Variants in CACNA1E observed in about 807,000 individuals in gnomAD.
The protein encoded by CACNA1E is calcium voltage-gated channel subunit alpha1 E, also known as voltage-dependent R-type calcium channel subunit alpha-1E.
A neutral mutation model predicts 259.2 loss-of-function variants in CACNA1E; 40 were observed. That is an observed-to-expected ratio of 0.15 (90% CI 0.12 to 0.20). The LOEUF (loss-of-function observed/expected upper bound fraction) is 0.20, where lower values mean the gene tolerates loss of function less well. Ranked by LOEUF, CACNA1E falls within the 10% of genes least tolerant of loss-of-function variation. The pLI, the probability that CACNA1E is intolerant of heterozygous loss-of-function variation, is 1.00. For missense variants in CACNA1E, 1,874 were observed against 3,040.1 expected (o/e 0.62, Z 9.02); for synonymous variants, 1,104 against 1,138.5 (o/e 0.97, Z 0.61).
chr1:181,747,571 T>G (rs1657211024), intron 25 of CACNA1E, among the ~76,000 whole-genome samples: 1 of 151,910 alleles, frequency 6.6e-6, no homozygotes, highest in African/African-American at 2.4e-5. Flanking sequence ...CATCCTAGTG[T>G]GTGGAATTGT....
chr1:181,490,178 TAGA>T (rs1664189201), intron 1 of CACNA1E, among the ~76,000 whole-genome samples: 1 of 152,172 alleles, frequency 6.6e-6, no homozygotes, highest in African/African-American at 2.4e-5. Flanking sequence ...AGGGAGCAGC[TAGA>T]AGATGTGTTC....
chr1:181,786,325 G>A (rs1660841964), intron 43 of CACNA1E, among the ~76,000 whole-genome samples: 1 of 152,120 alleles, frequency 6.6e-6, no homozygotes, highest in South Asian at 2.1e-4. Context: ...ACTATACCCT[G>A]GAGGTATATA....
At chr1:181,419,355 C>G (rs1658541264) in intron 2 of CACNA1E, among the ~76,000 whole-genome samples, 1 of 152,212 alleles carries the variant, frequency 6.6e-6, no homozygotes, top group Admixed American at 6.5e-5. Context: ...CATCAGGCCT[C>G]TGCCTTTTGC....
chr1:181,345,044 AG>A (rs1652480794), intron 1 of CACNA1E, among the ~76,000 whole-genome samples: 1 of 152,232 alleles, frequency 6.6e-6, no homozygotes, highest in African/African-American at 2.4e-5. Context: ...TGGGGCAGGC[AG>A]GACTCCTGCA....
chr1:181,673,222 A>ATG lies in CACNA1E; in HGVS notation c.1055+21801_1055+21802dup, dbSNP rs55948135. On this transcript the variant is annotated intron_variant, in intron 7 of 47. Coordinates refer to ENST00000367573, the MANE Select transcript of CACNA1E (RefSeq NM_001205293.3). ...TGTTTATGTATGTATGTATATGAGT[A>ATG]TGTGTGTGTGTGTGTGTGTGTATTT... 1.5e-3 allele frequency among the ~76,000 whole-genome samples: 232 copies of ATG among 151,096 alleles called. 1 individual carries two copies. Among genetic ancestry groups the ATG allele is most frequent in the South Asian group, 7.1e-3 (34 of 4,764 alleles).
chr1:181,686,048 C>G (rs1311036252), intron 7 of CACNA1E, among the ~76,000 whole-genome samples: 2 of 151,944 alleles, frequency 1.3e-5, no homozygotes, highest in Admixed American at 1.3e-4. Flanking sequence ...CTCTGCCTCC[C>G]CAGGGTAGTC....
At chr1:181,484,303 C>T (rs1663579785) in intron 1 of CACNA1E, among the ~76,000 whole-genome samples, 1 of 152,136 alleles carries the variant, frequency 6.6e-6, no homozygotes, top group Non-Finnish European at 1.5e-5. Flanking sequence ...CCAGCCCCCT[C>T]CCCACCCCTA....
At chr1:181,334,319 C>T (rs993109334) in intron 1 of CACNA1E, among the ~76,000 whole-genome samples, 25 of 152,222 alleles carry the variant, frequency 1.6e-4, no homozygotes, top group African/African-American at 5.8e-4. Context: ...CCTAAGGCCT[C>T]TTCTTTATCT....
chr1:181,697,493 T>C (rs930250333), intron 7 of CACNA1E, among the ~76,000 whole-genome samples: 3 of 152,252 alleles, frequency 2.0e-5, no homozygotes, highest in Admixed American at 1.3e-4. Context: ...GTCATTAGTA[T>C]GATGATATCA....
chr1:181,412,837 G>A (rs1571804834), intron 1 of CACNA1E, among the ~76,000 whole-genome samples: 1 of 152,192 alleles, frequency 6.6e-6, no homozygotes, highest in Non-Finnish European at 1.5e-5. Context: ...TTCTGCAGTA[G>A]ACTGTAAGTT....
At chr1:181,449,056 A>G (rs1411411697) in intron 2 of CACNA1E, among the ~76,000 whole-genome samples, 1 of 152,214 alleles carries the variant, frequency 6.6e-6, no homozygotes. Context: ...TGGGGCAGAT[A>G]TGAGCGGCAA....
chr1:181,520,783 C>A, intron 3 of CACNA1E, among the ~76,000 whole-genome samples: 1 of 152,046 alleles, frequency 6.6e-6, no homozygotes, highest in East Asian at 1.9e-4. Context: ...AAACAAAGGC[C>A]TTTATTTTAA....
chr1:181,339,511 C>T (rs1002774637), intron 1 of CACNA1E, among the ~76,000 whole-genome samples: 2 of 151,970 alleles, frequency 1.3e-5, no homozygotes, highest in African/African-American at 4.8e-5. Context: ...AAATAATATT[C>T]TATTGTATGT....
chr1:181,467,117 C>A (rs984281302), intron 2 of CACNA1E, among the ~76,000 whole-genome samples: 1 of 152,202 alleles, frequency 6.6e-6, no homozygotes, highest in African/African-American at 2.4e-5. Context: ...TAAGTCCTTA[C>A]CAGCAGCTCC....
chr1:181,799,887 G>A lies in CACNA1E; in HGVS notation c.*1053G>A. 6.6e-6 allele frequency: 1 copy of A among 152,492 alleles called. No homozygotes were observed. Among genetic ancestry groups the A allele is most frequent in the Non-Finnish European group, 1.5e-5 (1 of 68,146 alleles). The allele number at this position is 152,492 out of a possible 1,614,324, so 9.4% of individuals were successfully genotyped here. A position where few individuals can be genotyped will look rare whatever the true frequency, so the allele number is the denominator to read the frequency against. On this transcript the variant is annotated 3_prime_UTR_variant, in exon 48 of 48. Transcript: ENST00000367573. Reference sequence around the variant, plus strand: ...ACGGCCACACCAGCACCTCCTGGCTGAAGGTCAGCCCACACTCTGGTCCAT... The same window carrying A: ...ACGGCCACACCAGCACCTCCTGGCTAAAGGTCAGCCCACACTCTGGTCCAT...
chr1:181,640,921 C>T (rs1657688881), intron 6 of CACNA1E, among the ~76,000 whole-genome samples: 1 of 152,196 alleles, frequency 6.6e-6, no homozygotes, highest in Non-Finnish European at 1.5e-5. Context: ...CTTTAAGAAA[C>T]ATTCAGCCCT....
chr1:181,673,953 C>T (rs550518869), intron 7 of CACNA1E, among the ~76,000 whole-genome samples: 1 of 152,042 alleles, frequency 6.6e-6, no homozygotes, highest in Admixed American at 6.6e-5. Flanking sequence ...ACCATGTTCC[C>T]GTTATTATTG....
At chr1:181,393,928 T>C (rs1475555435) in intron 1 of CACNA1E, among the ~76,000 whole-genome samples, 1 of 152,218 alleles carries the variant, frequency 6.6e-6, no homozygotes, top group East Asian at 1.9e-4. Context: ...TCGGGTTATG[T>C]TGTGTGACTG....
intron 6 of CACNA1E, among the ~76,000 whole-genome samples, chr1:181,584,352 C>A (rs1387432106): frequency 6.6e-6 from 1 of 152,208 alleles, no homozygotes; most frequent in Non-Finnish European, 1.5e-5. Context: ...CTTTCCGCAT[C>A]TGTTGTGACT....
Sources: allele counts gnomAD v4.1 joint callset (sites outside exome capture counted in the v4.1 genomes callset), GRCh38; gene constraint gnomAD v4.1.1; transcripts MANE v1.5; gene names NCBI Gene and HGNC (gene_info 2026-07-23, HGNC 2026-07-21).